Variants in DACH2 observed in about 807,000 individuals in gnomAD.
The protein encoded by DACH2 is dachshund family transcription factor 2.
In DACH2, 17 loss-of-function variants were observed where a neutral mutation model predicts 35.8. That is an observed-to-expected ratio of 0.48 (90% CI 0.33 to 0.71). The LOEUF (loss-of-function observed/expected upper bound fraction) is 0.71. Among genes scored for constraint, DACH2 ranks in the 30% least tolerant of loss-of-function variants. DACH2 has a pLI of 0.02. For missense variants in DACH2, 469 were observed against 472.7 expected (o/e 0.99, Z 0.07); for synonymous variants, 195 against 177.3 (o/e 1.10, Z -0.79).
chrX:86,796,038 C>T lies in DACH2; in HGVS notation c.1241-16818C>T, dbSNP rs780726341. Among the ~76,000 whole-genome samples the T allele has an allele frequency of 6.3e-5, 7 of 111,855 alleles. No individual in the cohort carries two copies. In the South Asian group the frequency reaches 1.1e-3, roughly 18 times the overall value. ...GTGGAGGGGGACCTGAGCGGGTTGCCGCTGCTGGCTTGGGTGGCCAGCTTT... is the reference window on the plus strand; with the variant it reads ...GTGGAGGGGGACCTGAGCGGGTTGCTGCTGCTGGCTTGGGTGGCCAGCTTT... On this transcript the variant is annotated intron_variant, in intron 7 of 11. Coordinates refer to ENST00000373125, the MANE Select transcript of DACH2 (RefSeq NM_053281.3).
At chrX:86,375,365 C>A (rs947876280) in intron 1 of DACH2, among the ~76,000 whole-genome samples, 3 of 97,356 alleles carry the variant, frequency 3.1e-5, no homozygotes, top group African/African-American at 1.1e-4. Flanking sequence ...ATATATAATA[C>A]ATATATAATT....
chrX:86,698,359 G>T lies in DACH2; in HGVS notation c.931+3180G>T, dbSNP rs1437865277. On this transcript the variant is annotated intron_variant, in intron 5 of 11. Transcript: ENST00000373125. ...ATTGAGGTAATTTGTTACCATACCAGTAGACCTGCATCGCAAGAAACATTG... is the reference window on the plus strand; with the variant it reads ...ATTGAGGTAATTTGTTACCATACCATTAGACCTGCATCGCAAGAAACATTG... 6.4e-5 allele frequency among the ~76,000 whole-genome samples: 7 copies of T among 108,687 alleles called. No individual in the cohort carries two copies. In the East Asian group the frequency reaches 1.4e-3, roughly 22 times the overall value. 94.4% of individuals were successfully genotyped at this position (108,687 alleles called of 115,157 possible).
chrX:86,712,109 A>G (rs2041285967), intron 5 of DACH2, among the ~76,000 whole-genome samples: 1 of 111,497 alleles, frequency 9.0e-6, no homozygotes, highest in African/African-American at 3.3e-5. Flanking sequence ...AGTGTAAACA[A>G]AGAAGGACTG....
At chrX:86,468,473 T>A (rs1357212549) in intron 2 of DACH2, among the ~76,000 whole-genome samples, 3 of 111,455 alleles carry the variant, frequency 2.7e-5, no homozygotes, top group Non-Finnish European at 5.6e-5. Flanking sequence ...TCCCACTTAT[T>A]TAACTACAAC....
intron 3 of DACH2, among the ~76,000 whole-genome samples, chrX:86,566,663 G>A (rs1175431774): frequency 9.0e-6 from 1 of 110,964 alleles, no homozygotes; most frequent in Non-Finnish European, 1.9e-5. Context: ...TACCTTTATT[G>A]TGACCTTTAA....
At chrX:86,600,918 A>G (rs1037986164) in intron 3 of DACH2, among the ~76,000 whole-genome samples, 4 of 111,425 alleles carry the variant, frequency 3.6e-5, no homozygotes, top group Non-Finnish European at 7.5e-5. Context: ...CAAAAAATCA[A>G]TGTGCTTGGC....
chrX:86,787,618 C>CAAAAA (rs5902916), intron 7 of DACH2, among the ~76,000 whole-genome samples: 7 of 72,298 alleles, frequency 9.7e-5, no homozygotes, highest in Non-Finnish European at 1.6e-4. Flanking sequence ...AACTCAGTCT[C>CAAAAA]AAAAAAAAAA....
At chrX:86,491,560 T>C (rs1379676603) in intron 2 of DACH2, among the ~76,000 whole-genome samples, 1 of 111,700 alleles carries the variant, frequency 9.0e-6, no homozygotes, top group Non-Finnish European at 1.9e-5. Context: ...TCAGAGTGTT[T>C]CCACCCTTTA....
At chrX:86,661,025 A>C (rs973368694) in intron 4 of DACH2, among the ~76,000 whole-genome samples, 7 of 111,435 alleles carry the variant, frequency 6.3e-5, no homozygotes, top group Non-Finnish European at 1.1e-4. Flanking sequence ...ACAGTCATGG[A>C]TATGATCAGT....
intron 1 of DACH2, among the ~76,000 whole-genome samples, chrX:86,154,589 C>T (rs1280632656): frequency 9.0e-6 from 1 of 111,347 alleles, no homozygotes. Context: ...GAACTGCATG[C>T]AAATTGTGTT....
intron 1 of DACH2, among the ~76,000 whole-genome samples, chrX:86,363,177 AT>A (rs1280674214): frequency 1.8e-5 from 2 of 111,395 alleles, no homozygotes; most frequent in Non-Finnish European, 3.8e-5. Flanking sequence ...ATATGTTTAG[AT>A]TATATTTAAG....
chrX:86,799,228 T>G (rs2042268050), intron 7 of DACH2: 1 of 212,072 alleles, frequency 4.7e-6, no homozygotes, highest in Non-Finnish European at 9.1e-6. Context: ...CACTGGCATC[T>G]TCCCAGCCTG....
At chrX:86,402,822 T>G (rs1004144685) in intron 2 of DACH2, among the ~76,000 whole-genome samples, 7 of 111,902 alleles carry the variant, frequency 6.3e-5, no homozygotes, top group African/African-American at 2.3e-4. Context: ...CAATGTATTG[T>G]TACAAAAACA....
At chrX:86,278,452 G>A (rs904819638) in intron 1 of DACH2, among the ~76,000 whole-genome samples, 1 of 111,989 alleles carries the variant, frequency 8.9e-6, no homozygotes, top group African/African-American at 3.2e-5. Flanking sequence ...CCAAGAATTT[G>A]TTGAATCCTG....
At chrX:86,481,905 A>C (rs1461469577) in intron 2 of DACH2, 3 of 112,468 alleles carry the variant, frequency 2.7e-5, no homozygotes, top group Non-Finnish European at 3.8e-5. Context: ...AATAGCATGA[A>C]TTATTATTTT....
intron 2 of DACH2, among the ~76,000 whole-genome samples, chrX:86,477,370 A>ATATATATAT (rs1491178969): frequency 3.5e-5 from 3 of 85,087 alleles, no homozygotes; most frequent in Admixed American, 1.4e-4. Context: ...ATATATATAT[A>ATATATATAT]ATTGTTATAT....
At chrX:86,625,840 A>G (rs2040130571) in intron 3 of DACH2, among the ~76,000 whole-genome samples, 2 of 111,360 alleles carry the variant, frequency 1.8e-5, no homozygotes, top group East Asian at 2.9e-4. Context: ...CATTGATTCA[A>G]TTACCTCCCA....
At chrX:86,202,147 C>T (rs1027521841) in intron 1 of DACH2, among the ~76,000 whole-genome samples, 9 of 111,431 alleles carry the variant, frequency 8.1e-5, no homozygotes, top group African/African-American at 2.6e-4. Context: ...TGGTAACATA[C>T]TAGGCTGTGT....
chrX:86,383,295 T>C (rs906712983), intron 2 of DACH2, among the ~76,000 whole-genome samples: 1 of 109,219 alleles, frequency 9.2e-6, no homozygotes, highest in African/African-American at 3.3e-5. Flanking sequence ...TTGCAGTTGC[T>C]CAGTATTTAT....
Sources: gnomAD v4.1 joint callset for allele counts (sites outside exome capture counted in the v4.1 genomes callset) on GRCh38, gnomAD v4.1.1 for gene constraint, MANE v1.5 for transcripts, NCBI Gene and HGNC (gene_info 2026-07-23, HGNC 2026-07-21) for gene names.